Variants in BPHL observed in about 807,000 individuals in gnomAD.
The protein encoded by BPHL is biphenyl hydrolase like, also known as serine hydrolase BPHL.
BPHL carries 27 observed loss-of-function variants against 31.2 expected under a neutral mutation model. The observed-to-expected ratio is 0.87, with a 90% CI of 0.64 to 1.19. BPHL has a LOEUF of 1.19. Ranked by LOEUF, BPHL falls within the 50% of genes most tolerant of loss-of-function variation. The pLI, the probability that BPHL is intolerant of heterozygous loss-of-function variation, is 0.00. For missense variants in BPHL, 356 were observed against 375.7 expected (o/e 0.95, Z 0.43); for synonymous variants, 150 against 146.8 (o/e 1.02, Z -0.16).
chr6:3,150,629 C>T (rs1762496797), intron 6 of BPHL, among the ~76,000 whole-genome samples: 1 of 152,152 alleles, frequency 6.6e-6, no homozygotes, highest in African/African-American at 2.4e-5. Context: ...GAAAAGTGCT[C>T]TCCACAGAGC....
chr6:3,122,872 G>A (rs1299037290), intron 1 of BPHL, among the ~76,000 whole-genome samples: 1 of 152,230 alleles, frequency 6.6e-6, no homozygotes, highest in African/African-American at 2.4e-5. Flanking sequence ...CCTGGAGATC[G>A]AGACCTTGGG....
At chr6:3,121,922 A>G (rs1761584587) in intron 1 of BPHL, among the ~76,000 whole-genome samples, 1 of 152,150 alleles carries the variant, frequency 6.6e-6, no homozygotes, top group African/African-American at 2.4e-5. Context: ...ATAAAACAGG[A>G]CCTCATTTTT....
At chr6:3,137,277 C>T in intron 4 of BPHL, 85 bp from the exon 5 acceptor site, 4 of 1,510,760 alleles carry the variant, frequency 2.6e-6, no homozygotes, top group Non-Finnish European at 3.6e-6. Flanking sequence ...CGCATGGGCT[C>T]AGAAGTGGCT....
Position 3,137,349 on chromosome 6 carries a change from TTC to T in BPHL, c.533-11_533-10del. 6 of 1,610,168 alleles carry T rather than the reference TTC, an allele frequency of 3.7e-6. No individual in the cohort carries two copies. The highest frequency in any genetic ancestry group is 5.1e-6 in the Non-Finnish European group (6 of 1,179,008). ...AAATTAAACCTTTCTTCGCCTACAC[TTC>T]TGTTTTTCAGGCATCCGAGATGTTT... On this transcript the variant is annotated splice_polypyrimidine_tract_variant and intron_variant, in intron 4 of 6. Coordinates refer to ENST00000380379, the MANE Select transcript of BPHL (RefSeq NM_004332.4).
chr6:3,131,952 G>A (rs868141218), intron 4 of BPHL, among the ~76,000 whole-genome samples: 30 of 152,270 alleles, frequency 2.0e-4, no homozygotes, highest in African/African-American at 5.3e-4. Context: ...CCTGTGTCAC[G>A]GCCCTTCAAC....
intron 6 of BPHL, among the ~76,000 whole-genome samples, chr6:3,141,232 C>G (rs1762165813): frequency 6.6e-6 from 1 of 152,122 alleles, no homozygotes; most frequent in African/African-American, 2.4e-5. Flanking sequence ...CCTCCTATAC[C>G]ACTTCAACCA....
Position 3,152,863 on chromosome 6 carries a change from C to CA in BPHL, c.*294dup, listed in dbSNP as rs1010908268. On this transcript the variant is annotated 3_prime_UTR_variant, in exon 7 of 7. Coordinates refer to ENST00000380379, the MANE Select transcript of BPHL (RefSeq NM_004332.4). ...GCAATATAGGGAGACTCCGGCTCTA[C>CA]AAAAAAGAGTTTTTCAAAATTAGCC... 8.9e-6 allele frequency: 2 copies of CA among 224,590 alleles called. No homozygotes were observed. The highest frequency in any genetic ancestry group is 4.6e-5 in the African/African-American group (2 of 43,598). The allele number at this position is 224,590 out of a possible 1,614,324, so 13.9% of individuals were successfully genotyped here.
At chr6:3,134,603 ATTT>A (rs556567574) in intron 4 of BPHL, among the ~76,000 whole-genome samples, 4 of 127,602 alleles carry the variant, frequency 3.1e-5, no homozygotes, top group Admixed American at 7.8e-5. Flanking sequence ...CACCTGGCTA[ATTT>A]TTTTTTTTTT....
At chr6:3,133,266 T>C (rs1761922700) in intron 4 of BPHL, among the ~76,000 whole-genome samples, 1 of 152,012 alleles carries the variant, frequency 6.6e-6, no homozygotes, top group Non-Finnish European at 1.5e-5. Flanking sequence ...AGTGGCCCCA[T>C]CTTGCCCTAC....
chr6:3,134,045 C>CT (rs756147413), intron 4 of BPHL, among the ~76,000 whole-genome samples: 4 of 152,160 alleles, frequency 2.6e-5, no homozygotes, highest in Admixed American at 2.0e-4. Context: ...TTATTGGGGT[C>CT]TTAATTTGCA....
intron 4 of BPHL, among the ~76,000 whole-genome samples, chr6:3,135,227 A>C (rs947153093): frequency 1.3e-5 from 2 of 152,348 alleles, no homozygotes; most frequent in South Asian, 4.1e-4. Context: ...TGGTCAACTC[A>C]GTTTTTACCA....
chr6:3,132,416 G>A (rs1368500545), intron 4 of BPHL, among the ~76,000 whole-genome samples: 1 of 152,110 alleles, frequency 6.6e-6, no homozygotes, highest in Non-Finnish European at 1.5e-5. Flanking sequence ...GGTCCTCCAG[G>A]CGTCACCCTC....
At chr6:3,133,977 C>G (rs1454506345) in intron 4 of BPHL, among the ~76,000 whole-genome samples, 1 of 152,190 alleles carries the variant, frequency 6.6e-6, no homozygotes, top group Admixed American at 6.5e-5. Context: ...TCAACAAAAA[C>G]TTGAAATTCT....
chr6:3,134,648 C>G (rs1422129858), intron 4 of BPHL, among the ~76,000 whole-genome samples: 1 of 150,112 alleles, frequency 6.7e-6, no homozygotes, highest in Non-Finnish European at 1.5e-5. Context: ...CTCTGTCACC[C>G]AGGCTGCGCA....
chr6:3,142,150 C>T (rs1028587141), intron 6 of BPHL, among the ~76,000 whole-genome samples: 5 of 151,464 alleles, frequency 3.3e-5, no homozygotes, highest in Non-Finnish European at 7.4e-5. Flanking sequence ...CACAGTTTCA[C>T]TCTTGTTGCC....
intron 6 of BPHL, 123 bp from the exon 7 acceptor site, chr6:3,152,365 A>G: frequency 1.3e-6 from 1 of 760,240 alleles, no homozygotes; most frequent in East Asian, 2.7e-5. Flanking sequence ...TCTCCTCGAT[A>G]GTGGTCATGG....
intron 2 of BPHL, among the ~76,000 whole-genome samples, chr6:3,124,295 C>T (rs546705272): frequency 6.6e-6 from 1 of 152,136 alleles, no homozygotes; most frequent in Non-Finnish European, 1.5e-5. Flanking sequence ...ATAATAAAGC[C>T]TACTGGATCT....
At position 3,123,733 on chromosome 6, in the gene BPHL, G is replaced by A. The variant is rs192366834; in HGVS notation, c.184G>A (p.Ala62Thr). The stretch of plus-strand genomic sequence containing the variant: ...CCAGCAGACTGGAGAGGGAGATCAC[G>A]CAGTCCTGCTACTTCCTGGGATGTT... ...HYQQTGEGDH[A>T]VLLLPGMLGS... The change falls in exon 2 of 7, where the codon GCA (alanine) becomes ACA (threonine). Residue 62 changes from alanine to threonine, a missense_variant. Transcript: ENST00000380379. The A allele has an allele frequency of 2.0e-4, 327 of 1,613,314 alleles. 3 individuals carry two copies. In the East Asian group the frequency reaches 3.8e-3, roughly 19 times the overall value.
At chr6:3,119,708 G>T (rs892211939) in intron 1 of BPHL, among the ~76,000 whole-genome samples, 2 of 152,200 alleles carry the variant, frequency 1.3e-5, no homozygotes, top group African/African-American at 4.8e-5. Context: ...GTGCGCAGTT[G>T]ACTGTTGATG....
Sources: allele counts gnomAD v4.1 joint callset (sites outside exome capture counted in the v4.1 genomes callset), GRCh38; gene constraint gnomAD v4.1.1; transcripts MANE v1.5; gene names NCBI Gene and HGNC (gene_info 2026-07-23, HGNC 2026-07-21).